LHX9: variants seen among roughly 807,000 people sequenced by gnomAD.
LHX9 encodes LIM/homeobox protein Lhx9.
LHX9 carries 9 observed loss-of-function variants against 36.5 expected under a neutral mutation model. That is an observed-to-expected ratio of 0.25 (90% CI 0.15 to 0.43). LHX9 has a LOEUF of 0.43. LHX9 is among the 20% of genes least tolerant of loss of function. The probability of loss-of-function intolerance (pLI) is 1.00; values close to 1 mark genes in which losing one functional copy is unlikely to be tolerated. For missense variants in LHX9, 464 were observed against 526.4 expected, an observed-to-expected ratio of 0.88 and a Z score of 1.16; for synonymous variants, 211 against 212.1, an observed-to-expected ratio of 0.99 and a Z score of 0.04.
Position 197,933,619 on chromosome 1 carries a change from A to G in LHX9, c.*4360A>G, listed in dbSNP as rs1412727614. 1 of 152,122 alleles carries G rather than the reference A, an allele frequency of 6.6e-6. No homozygotes were observed. The highest frequency in any genetic ancestry group is 6.5e-5 in the Admixed American group (1 of 15,272). 9.4% of individuals were successfully genotyped at this position (152,122 alleles called of 1,614,324 possible). A position where few individuals can be genotyped will look rare whatever the true frequency, so the allele number is the denominator to read the frequency against. ...ATTTTGGAACTTCGCCTGGTTTTAC[A>G]GACCTTTAAATATTTGTCTGGTATG... On this transcript the variant is annotated 3_prime_UTR_variant, in exon 5 of 5. Coordinates refer to ENST00000367387, the MANE Select transcript of LHX9 (RefSeq NM_020204.3).
In LHX9 at chr1:197,917,974, G is replaced by GC; in HGVS notation, c.154dup (p.Gln52ProfsTer49). 6.2e-7 allele frequency: 1 copy of GC among 1,613,496 alleles called. No individual in the cohort carries two copies. Among genetic ancestry groups the GC allele is most frequent in the Non-Finnish European group, 8.5e-7 (1 of 1,179,718 alleles). On this transcript the variant is annotated frameshift_variant, in exon 1 of 5. Transcript: ENST00000367387. LOFTEE classifies it high-confidence loss of function. ...GACTGAGGCCCGTCTGGCCAAAGGC[G>GC]CCCAGCTCAACGGCCGCGACGCGGT...
chr1:197,916,449 G>C (rs1280121585), upstream of LHX9: 3 of 560,682 alleles, frequency 5.4e-6, no homozygotes, highest in Admixed American at 3.1e-5. Context: ...CCAGTCCTGC[G>C]GGGGCAGGCG....
upstream of LHX9, chr1:197,912,664 A>G (rs1659653826): frequency 8.7e-7 from 1 of 1,149,996 alleles, no homozygotes; most frequent in Non-Finnish European, 1.3e-6. Flanking sequence ...GGGTGGAACG[A>G]AGAGGAGTGT....
At position 197,917,692 on chromosome 1, in the gene LHX9, C is replaced by T. The variant is rs1305915542; in HGVS notation, c.-132C>T. 5 of 1,577,024 alleles carry T rather than the reference C, an allele frequency of 3.2e-6. No homozygotes were observed. In the Admixed American group the frequency reaches 1.0e-4, roughly 32 times the overall value. The stretch of plus-strand genomic sequence containing the variant: ...CCCCCAAGCAGACCGATTTCCACTC[C>T]ATCTGTTTCTTCTCCTCCTTTCTCT... On this transcript the variant is annotated 5_prime_UTR_variant, in exon 1 of 5. Transcript: ENST00000367387.
chr1:197,933,320 C>T lies in LHX9; in HGVS notation c.*4061C>T, dbSNP rs1660371636. ...ATGTTTTCTTAAATGCTTTCACTTC[C>T]TGAATAATAAAAAGAAAAAATTTTA... On this transcript the variant is annotated 3_prime_UTR_variant, in exon 5 of 5. Coordinates refer to ENST00000367387, the MANE Select transcript of LHX9 (RefSeq NM_020204.3). 1 of 151,714 alleles carries T rather than the reference C, an allele frequency of 6.6e-6. No individual in the cohort carries two copies. The highest frequency in any genetic ancestry group is 1.9e-4 in the East Asian group (1 of 5,198). 9.4% of individuals were successfully genotyped at this position (151,714 alleles called of 1,614,324 possible). A position where few individuals can be genotyped will look rare whatever the true frequency, so the allele number is the denominator to read the frequency against.
rs1445402587 is a variant in LHX9 at position 197,930,463 on chromosome 1, T to G, written c.*1204T>G. 1.3e-5 allele frequency: 2 copies of G among 152,056 alleles called. No individual in the cohort carries two copies. Among genetic ancestry groups the G allele is most frequent in the Non-Finnish European group, 2.9e-5 (2 of 67,898 alleles). 9.4% of individuals were successfully genotyped at this position (152,056 alleles called of 1,614,324 possible). On this transcript the variant is annotated 3_prime_UTR_variant, in exon 5 of 5. Transcript: ENST00000367387. Reference sequence around the variant, plus strand: ...TAATGGTCTGGGCAGTGGTGAATGTTCATCTATTACGCTTCTGTTGTAGTT... The same window carrying G: ...TAATGGTCTGGGCAGTGGTGAATGTGCATCTATTACGCTTCTGTTGTAGTT...
At chr1:197,927,564 GTTGT>G (rs1660180364) in intron 3 of LHX9, 23 bp from the exon 4 acceptor site, 1 of 1,599,086 alleles carries the variant, frequency 6.3e-7, no homozygotes, top group Admixed American at 1.7e-5. Context: ...CCACTGAGCA[GTTGT>G]TTGTTCACTG....
intron 3 of LHX9, 67 bp from the exon 4 acceptor site, chr1:197,927,524 C>T: frequency 7.5e-7 from 1 of 1,340,216 alleles, no homozygotes. Context: ...GTCATACAGC[C>T]TGCCATCATG....
chr1:197,927,912 C>G (rs1171288898), intron 4 of LHX9, 119 bp downstream of exon 4: 2 of 939,944 alleles, frequency 2.1e-6, no homozygotes, highest in African/African-American at 3.3e-5. Context: ...ACTAGTTTAT[C>G]TTAGCTATCT....
In LHX9 at chr1:197,930,195, G is replaced by T; in HGVS notation, c.*936G>T. The stretch of plus-strand genomic sequence containing the variant: ...CAGCTGTACCATGATATTGTATCTG[G>T]CATTCTATATGAATAATGTTTAAAA... On this transcript the variant is annotated 3_prime_UTR_variant, in exon 5 of 5. Coordinates refer to ENST00000367387, the MANE Select transcript of LHX9 (RefSeq NM_020204.3). 6 of 362,346 alleles carry T rather than the reference G, an allele frequency of 1.7e-5. No homozygotes were observed. Among genetic ancestry groups the T allele is most frequent in the Non-Finnish European group, 2.3e-5 (6 of 260,968 alleles). 22.4% of individuals were successfully genotyped at this position (362,346 alleles called of 1,614,324 possible). A position where few individuals can be genotyped will look rare whatever the true frequency, so the allele number is the denominator to read the frequency against.
intron 4 of LHX9, 75 bp from the exon 5 acceptor site, chr1:197,928,927 A>T: frequency 7.1e-7 from 1 of 1,407,316 alleles, no homozygotes; most frequent in Non-Finnish European, 9.4e-7. Context: ...AAAGAAAAAA[A>T]GAAAAAGTGA....
Position 197,931,574 on chromosome 1 carries a change from G to A in LHX9, c.*2315G>A. The A allele has an allele frequency of 5.2e-6, 1 of 194,156 alleles. No individual in the cohort carries two copies. Among genetic ancestry groups the A allele is most frequent in the Non-Finnish European group, 1.1e-5 (1 of 94,910 alleles). 12.0% of individuals were successfully genotyped at this position (194,156 alleles called of 1,614,324 possible). On this transcript the variant is annotated 3_prime_UTR_variant, in exon 5 of 5. Transcript: ENST00000367387. ...TTCAAATGGTAATACAACATTGTTA[G>A]AAATATTTAAACATACAAATAGTTT...
chr1:197,916,568 C>T (rs954596392), upstream of LHX9: 65 of 663,656 alleles, frequency 9.8e-5, no homozygotes, highest in Middle Eastern at 3.2e-4. Flanking sequence ...AGAGAATAAG[C>T]CGCCCTATGG....
At position 197,920,031 on chromosome 1, in the gene LHX9, C is replaced by T; in HGVS notation, c.234C>T (p.Ile78=). 2 of 1,614,260 alleles carry T rather than the reference C, an allele frequency of 1.2e-6. No homozygotes were observed. The highest frequency in any genetic ancestry group is 1.7e-6 in the Non-Finnish European group (2 of 1,180,052). The change falls in exon 2 of 5, where the codon ATC becomes ATT. Residue 78 remains isoleucine (I), a synonymous_variant. Coordinates refer to ENST00000367387, the MANE Select transcript of LHX9 (RefSeq NM_020204.3). ...PALCAGCGGK[I]SDRYYLLAVD... The stretch of plus-strand genomic sequence containing the variant: ...TGTGCGCCGGCTGCGGGGGCAAGAT[C>T]TCGGACAGGTACTATCTGCTGGCTG...
At position 197,929,683 on chromosome 1, in the gene LHX9, T is replaced by C; in HGVS notation, c.*424T>C. 1 of 927,858 alleles carries C rather than the reference T, an allele frequency of 1.1e-6. No individual in the cohort carries two copies. The highest frequency in any genetic ancestry group is 1.3e-6 in the Non-Finnish European group (1 of 777,372). 57.5% of individuals were successfully genotyped at this position (927,858 alleles called of 1,614,324 possible). ...AAGAACCAGATAATTAATTAGTTAC[T>C]TTTTAAATCTTGCAATTGTATGTGT... On this transcript the variant is annotated 3_prime_UTR_variant, in exon 5 of 5. Transcript: ENST00000367387.
chr1:197,916,082 CAG>C (rs1227598734), upstream of LHX9: 1 of 152,474 alleles, frequency 6.6e-6, no homozygotes, highest in Non-Finnish European at 1.5e-5. Flanking sequence ...ACGGAAGGAA[CAG>C]AGAGCGGCCG....
upstream of LHX9, chr1:197,915,701 T>C (rs1659729002): frequency 6.6e-6 from 1 of 152,168 alleles, no homozygotes; most frequent in Non-Finnish European, 1.5e-5. Context: ...GGGGAAGCAG[T>C]AGTGTCTTCA....
upstream of LHX9, chr1:197,912,493 A>C (rs1443433707): frequency 6.2e-7 from 1 of 1,613,242 alleles, no homozygotes; most frequent in Non-Finnish European, 8.5e-7. Flanking sequence ...TGCCAGTGCA[A>C]CCACCATTAC....
Position 197,929,041 on chromosome 1 carries a change from C to T in LHX9, c.976C>T (p.Leu326Phe), listed in dbSNP as rs757308599. ...CGCACGAGCCAAATTCAGAAGGAAC[C>T]TTTTGCGGCAGGAGAATGGGGGTGT... ...QNARAKFRRN[L>F]LRQENGGVDK... is the part of the protein sequence containing the mutation. The change falls in exon 5 of 5, where the codon CTT (leucine) becomes TTT (phenylalanine). Residue 326 changes from leucine to phenylalanine, a missense_variant. Transcript: ENST00000367387. 1.2e-6 allele frequency: 2 copies of T among 1,612,722 alleles called. No individual in the cohort carries two copies. Among genetic ancestry groups the T allele is most frequent in the Non-Finnish European group, 1.7e-6 (2 of 1,179,598 alleles).
Sources: gnomAD v4.1 joint callset for allele counts on GRCh38, gnomAD v4.1.1 for gene constraint, MANE v1.5 for transcripts, NCBI Gene and HGNC (gene_info 2026-07-23, HGNC 2026-07-21) for gene names.